The following STOX2 variants were observed in gnomAD, a reference collection of about 807,000 sequenced individuals.
STOX2 encodes storkhead-box protein 2.
STOX2 carries 28 observed loss-of-function variants against 60.9 expected under a neutral mutation model. The ratio of observed to expected loss-of-function variants is 0.46; its 90% CI spans 0.34 to 0.63. The LOEUF is 0.63. Ranked by LOEUF, STOX2 falls within the 30% of genes least tolerant of loss-of-function variation. The pLI is 0.01. For synonymous variants in STOX2, 472 were observed against 463.9 expected, an observed-to-expected ratio of 1.02 and a Z score of -0.22; for missense variants, 1,024 against 1,187.7, an observed-to-expected ratio of 0.86 and a Z score of 2.03.
chr4:183,833,843 G>A (rs573649021), intron 1 of STOX2, among the ~76,000 whole-genome samples: 7 of 151,388 alleles, frequency 4.6e-5, no homozygotes, highest in East Asian at 1.9e-4. Context: ...TTAGCCGGGC[G>A]TGGTGGCAGG....
chr4:183,949,660 T>C (rs1743011263), intron 1 of STOX2, among the ~76,000 whole-genome samples: 3 of 152,196 alleles, frequency 2.0e-5, no homozygotes, highest in Admixed American at 2.0e-4. Context: ...ATCGTGCCAT[T>C]GTACTCCAGC....
intron 1 of STOX2, among the ~76,000 whole-genome samples, chr4:183,942,071 T>C (rs1018843060): frequency 6.6e-6 from 1 of 152,196 alleles, no homozygotes; most frequent in African/African-American, 2.4e-5. Context: ...TTAGCCTTCA[T>C]GCCTGATGTG....
intron 1 of STOX2, among the ~76,000 whole-genome samples, chr4:183,888,845 G>C (rs2111180160): frequency 6.6e-6 from 1 of 152,144 alleles, no homozygotes; most frequent in East Asian, 1.9e-4. Flanking sequence ...CAATTATGCT[G>C]ACTTACTGCT....
intron 1 of STOX2, among the ~76,000 whole-genome samples, chr4:183,889,394 G>A (rs1178664814): frequency 2.0e-5 from 3 of 152,134 alleles, no homozygotes; most frequent in African/African-American, 7.2e-5. Flanking sequence ...CCAGGGGCAG[G>A]GCATGGGGCA....
chr4:183,954,323 C>G (rs1397748168), intron 1 of STOX2, among the ~76,000 whole-genome samples: 1 of 145,530 alleles, frequency 6.9e-6, no homozygotes, highest in African/African-American at 2.5e-5. Flanking sequence ...GAGTCTCACT[C>G]TGTCACCCAG....
Position 183,991,970 on chromosome 4 carries a change from G to A in STOX2, c.167-9355G>A, listed in dbSNP as rs191398177. On this transcript the variant is annotated intron_variant, in intron 1 of 3. Coordinates refer to ENST00000308497, the MANE Select transcript of STOX2 (RefSeq NM_020225.3). ...CTAAAGTTTTGACTACAAAGCCCAT[G>A]GCTTTTAACACCATCTTGTAATGCT... Among the ~76,000 whole-genome samples, 639 of 152,278 alleles carry A rather than the reference G, an allele frequency of 4.2e-3. 4 individuals carry two copies. Among genetic ancestry groups the A allele is most frequent in the Non-Finnish European group, 4.8e-3 (324 of 68,014 alleles).
intron 1 of STOX2, among the ~76,000 whole-genome samples, chr4:183,889,747 A>G (rs1741163576): frequency 6.6e-6 from 1 of 151,792 alleles, no homozygotes; most frequent in Non-Finnish European, 1.5e-5. Context: ...GGCCAGGCAT[A>G]CCAGGCCACC....
chr4:184,015,195 C>T (rs1734317875), intron 3 of STOX2: 1 of 152,164 alleles, frequency 6.6e-6, no homozygotes. Context: ...TAAAAAGTTA[C>T]TTTAGTGATT....
chr4:183,853,788 C>G (rs1740224254), intron 1 of STOX2: 1 of 152,218 alleles, frequency 6.6e-6, no homozygotes, highest in Non-Finnish European at 1.5e-5. Context: ...TTATTACCAT[C>G]TGTACATTTT....
chr4:183,804,810 C>CTTTA (rs766857458), intron 1 of STOX2, among the ~76,000 whole-genome samples: 27,351 of 152,038 alleles, frequency 0.18, 2,536 homozygotes, highest in African/African-American at 0.24. Flanking sequence ...TTAGAATGAA[C>CTTTA]TTCTGAGATT....
intron 1 of STOX2, among the ~76,000 whole-genome samples, chr4:183,820,847 C>A (rs1481613492): frequency 6.6e-6 from 1 of 152,042 alleles, no homozygotes; most frequent in South Asian, 2.1e-4. Flanking sequence ...CGGTGGTTAA[C>A]TCCTATAGTC....
intron 1 of STOX2, among the ~76,000 whole-genome samples, chr4:183,835,166 C>G (rs1055843176): frequency 6.7e-6 from 1 of 150,362 alleles, no homozygotes; most frequent in Non-Finnish European, 1.5e-5. Flanking sequence ...TGAGAATAGG[C>G]AAAGAAGATA....
In STOX2 at chr4:183,906,852, G is replaced by C. The variant is rs372362393; in HGVS notation, c.62G>C (p.Arg21Pro). The C allele has an allele frequency of 2.6e-5, 40 of 1,553,158 alleles. No individual in the cohort carries two copies. The highest frequency in any genetic ancestry group is 5.8e-5 in the Admixed American group (3 of 51,606). The change falls in exon 1 of 4, where the codon CGG becomes CCG. Residue 21 changes from arginine to proline, a missense_variant. Coordinates refer to ENST00000308497, the MANE Select transcript of STOX2 (RefSeq NM_020225.3). ...RAWPSSDFSD[R>P]ASDRMRSRSE... ...TGGCCTAGCTCGGATTTCTCGGACC[G>C]GGCCTCGGACCGCATGAGGTCCCGC...
At chr4:183,844,213 C>CAA (rs1204077659) in intron 1 of STOX2, among the ~76,000 whole-genome samples, 1 of 152,138 alleles carries the variant, frequency 6.6e-6, no homozygotes, top group African/African-American at 2.4e-5. Context: ...CAACCCTTAA[C>CAA]ACTGTCTTGG....
chr4:183,908,870 A>G (rs1003237745), intron 1 of STOX2, among the ~76,000 whole-genome samples: 2 of 152,170 alleles, frequency 1.3e-5, no homozygotes, highest in Non-Finnish European at 2.9e-5. Flanking sequence ...AGACCAAAAG[A>G]TGGAAGAAAA....
chr4:184,016,976 T>A (rs138948095), intron 3 of STOX2, 113 bp from the exon 4 acceptor site: 15,824 of 880,030 alleles, frequency 0.018, 174 homozygotes, highest in Non-Finnish European at 0.02. Flanking sequence ...GATATGACAT[T>A]ATGAACCAAC....
intron 1 of STOX2, among the ~76,000 whole-genome samples, chr4:183,808,537 C>T (rs1738962669): frequency 6.6e-6 from 1 of 152,050 alleles, no homozygotes; most frequent in African/African-American, 2.4e-5. Flanking sequence ...AAAGTTTGTC[C>T]AAGGAAAGTC....
chr4:183,948,320 A>G (rs1369815993), intron 1 of STOX2, among the ~76,000 whole-genome samples: 2 of 151,240 alleles, frequency 1.3e-5, no homozygotes, highest in East Asian at 2.0e-4. Context: ...AAGCCAATAG[A>G]GAATCAATTT....
intron 1 of STOX2, among the ~76,000 whole-genome samples, chr4:183,892,396 A>G (rs898419017): frequency 2.0e-5 from 3 of 152,124 alleles, no homozygotes; most frequent in African/African-American, 4.8e-5. Context: ...CTCCTGCCTC[A>G]GCCTCCCGAG....
Sources: allele counts gnomAD v4.1 joint callset (sites outside exome capture counted in the v4.1 genomes callset), GRCh38; gene constraint gnomAD v4.1.1; transcripts MANE v1.5; gene names NCBI Gene and HGNC (gene_info 2026-07-23, HGNC 2026-07-21).